The following NEK10 variants were observed in gnomAD, a reference collection of about 807,000 sequenced individuals.
NEK10 encodes the protein NIMA related kinase 10.
Under a neutral mutation model 159.8 loss-of-function variants are expected in NEK10, and 122 were observed. That is an observed-to-expected ratio of 0.76 (90% CI 0.66 to 0.89). The LOEUF is 0.89. Among genes scored for constraint, NEK10 ranks in the 40% least tolerant of loss-of-function variants. The pLI is 0.00. For missense variants in NEK10, 1,342 were observed against 1,323.1 expected, an observed-to-expected ratio of 1.01 and a Z score of -0.22; for synonymous variants, 466 against 457.1, an observed-to-expected ratio of 1.02 and a Z score of -0.25.
intron 5 of NEK10, among the ~76,000 whole-genome samples, chr3:27,331,207 C>T (rs1421305688): frequency 1.7e-5 from 2 of 118,218 alleles, no homozygotes; most frequent in African/African-American, 7.0e-5. Context: ...CACTGCACTC[C>T]AGCCTGGGTG....
rs776635841 is a variant in NEK10 at position 27,284,689 on chromosome 3, G to A, written c.1927C>T (p.Arg643Ter). The A allele has an allele frequency of 8.1e-6, 13 of 1,607,670 alleles. No homozygotes were observed. Among genetic ancestry groups the A allele is most frequent in the South Asian group, 2.2e-5 (2 of 90,960 alleles). The stretch of plus-strand genomic sequence containing the variant: ...ATCCTCTTCTCCTTGTGTAAGTATC[G>A]AAGAGCTAAGCACAGCTTGAAACAA... ...KIFIQLCLAL[R>*]YLHKEKRIVH... Residue 643 changes from arginine to a stop codon, truncating the protein, a stop_gained, in exon 22 of 36, where the codon CGA (arginine) becomes TGA (stop). Transcript: ENST00000691995. LOFTEE classifies it high-confidence loss of function.
chr3:27,355,840 C>T (rs2048289778), intron 1 of NEK10, among the ~76,000 whole-genome samples: 1 of 152,196 alleles, frequency 6.6e-6, no homozygotes, highest in African/African-American at 2.4e-5. Flanking sequence ...CTCTTGCTTC[C>T]TCCACTTCAG....
chr3:27,215,098 C>G (rs531636497), intron 23 of NEK10: 201 of 473,658 alleles, frequency 4.2e-4, no homozygotes, highest in African/African-American at 3.8e-3. Context: ...GAGCTATTTT[C>G]TTTAAAAGCA....
At chr3:27,175,607 T>C (rs1188290962) in intron 26 of NEK10, among the ~76,000 whole-genome samples, 1 of 152,210 alleles carries the variant, frequency 6.6e-6, no homozygotes, top group Non-Finnish European at 1.5e-5. Context: ...GGAATGACTA[T>C]GAATCAGTAA....
chr3:27,136,946 T>TA (rs1436607309), intron 31 of NEK10, among the ~76,000 whole-genome samples: 1 of 152,198 alleles, frequency 6.6e-6, no homozygotes, highest in Non-Finnish European at 1.5e-5. Flanking sequence ...TATGTGAAAA[T>TA]ATTGTCTTTT....
chr3:27,236,464 TATC>T (rs1368373473), intron 23 of NEK10, among the ~76,000 whole-genome samples: 4 of 152,066 alleles, frequency 2.6e-5, no homozygotes, highest in Non-Finnish European at 5.9e-5. Context: ...GAAAACCAAA[TATC>T]ATATTATCGG....
Position 27,174,357 on chromosome 3 carries a change from A to C in NEK10, c.2776+82T>G, listed in dbSNP as rs1385171594. 3.8e-6 allele frequency: 6 copies of C among 1,597,176 alleles called. No homozygotes were observed. In the Admixed American group the frequency reaches 1.1e-4, roughly 29 times the overall value. On this transcript the variant is annotated intron_variant, in intron 28 of 35. Coordinates refer to ENST00000691995, the MANE Select transcript of NEK10 (RefSeq NM_001394966.1). ...AAACCACTGGGTTATGTATATGGTGATATTTGCTTGACTCAAGTATGATTT... is the reference window on the plus strand; with the variant it reads ...AAACCACTGGGTTATGTATATGGTGCTATTTGCTTGACTCAAGTATGATTT...
intron 22 of NEK10, among the ~76,000 whole-genome samples, chr3:27,271,878 TTC>T (rs1322461490): frequency 6.6e-6 from 1 of 151,900 alleles, no homozygotes; most frequent in Non-Finnish European, 1.5e-5. Context: ...TCCAAAGAAA[TTC>T]TCCCCTTTGA....
chr3:27,216,715 T>C (rs1951564768), intron 23 of NEK10, among the ~76,000 whole-genome samples: 1 of 152,214 alleles, frequency 6.6e-6, no homozygotes, highest in African/African-American at 2.4e-5. Context: ...ACCAATATCC[T>C]CCTTAAAAGA....
chr3:27,252,533 A>G (rs187295559), intron 23 of NEK10, among the ~76,000 whole-genome samples: 1 of 152,370 alleles, frequency 6.6e-6, no homozygotes, highest in Admixed American at 6.5e-5. Context: ...AGCAAATATT[A>G]CTTGTGAGTT....
At chr3:27,199,638 A>G (rs1208041143) in intron 25 of NEK10, among the ~76,000 whole-genome samples, 2 of 152,198 alleles carry the variant, frequency 1.3e-5, no homozygotes, top group African/African-American at 4.8e-5. Flanking sequence ...GAATCATTCT[A>G]TCATAAAAAC....
chr3:27,131,874 C>A lies in NEK10; in HGVS notation c.3081+6G>T. On this transcript the variant is annotated splice_donor_region_variant and intron_variant, in intron 32 of 35. Transcript: ENST00000691995. ...CAAAAGAATTCCTATATATAGAATA[C>A]CATACCTTTTTAATTTCAGATTTCA... 1 of 1,491,720 alleles carries A rather than the reference C, an allele frequency of 6.7e-7. No individual in the cohort carries two copies. The highest frequency in any genetic ancestry group is 9.3e-7 in the Non-Finnish European group (1 of 1,072,046). The allele number at this position is 1,491,720 out of a possible 1,614,324, so 92.4% of individuals were successfully genotyped here. A position where few individuals can be genotyped will look rare whatever the true frequency, so the allele number is the denominator to read the frequency against.
chr3:27,342,717 TC>T (rs1177235325), intron 5 of NEK10, among the ~76,000 whole-genome samples: 1 of 152,120 alleles, frequency 6.6e-6, no homozygotes, highest in Non-Finnish European at 1.5e-5. Flanking sequence ...CCGGTTATTT[TC>T]CCTAACAATT....
At chr3:27,234,734 T>C (rs1387297306) in intron 23 of NEK10, among the ~76,000 whole-genome samples, 1 of 151,992 alleles carries the variant, frequency 6.6e-6, no homozygotes, top group African/African-American at 2.4e-5. Context: ...AACTATAATT[T>C]GACGTCCTTC....
In NEK10 at chr3:27,108,079, ATT is replaced by A. The variant is rs1416703326; in HGVS notation, c.*3191_*3192del. 3.9e-5 allele frequency among the ~76,000 whole-genome samples: 6 copies of A among 152,194 alleles called. No homozygotes were observed. The highest frequency in any genetic ancestry group is 7.4e-5 in the Non-Finnish European group (5 of 68,022). The stretch of plus-strand genomic sequence containing the variant: ...TGGAATTGTACATAATCAGACCTGT[ATT>A]TGTTTTTGGACATCAAAATTCATAG... On this transcript the variant is annotated 3_prime_UTR_variant, in exon 36 of 36. Coordinates refer to ENST00000691995, the MANE Select transcript of NEK10 (RefSeq NM_001394966.1).
At chr3:27,281,825 G>A (rs1367244429) in intron 22 of NEK10, among the ~76,000 whole-genome samples, 1 of 152,118 alleles carries the variant, frequency 6.6e-6, no homozygotes, top group Non-Finnish European at 1.5e-5. Flanking sequence ...AGCAGCTGCA[G>A]GAATGAGGAG....
chr3:27,124,921 T>G (rs1941768805), intron 32 of NEK10, among the ~76,000 whole-genome samples: 1 of 152,150 alleles, frequency 6.6e-6, no homozygotes. Context: ...TGAACCCTTT[T>G]TTTTGCCTCA....
At chr3:27,202,041 C>T (rs1183630132) in intron 24 of NEK10, among the ~76,000 whole-genome samples, 2 of 152,042 alleles carry the variant, frequency 1.3e-5, no homozygotes, top group Non-Finnish European at 2.9e-5. Flanking sequence ...ATCCCAGCTA[C>T]TCAGGAGGCT....
At chr3:27,195,732 T>G (rs1949499580) in intron 25 of NEK10, among the ~76,000 whole-genome samples, 1 of 152,202 alleles carries the variant, frequency 6.6e-6, no homozygotes, top group South Asian at 2.1e-4. Context: ...TTACACGTCC[T>G]TTTTTCAGAG....
Sources: gnomAD v4.1 joint callset for allele counts (sites outside exome capture counted in the v4.1 genomes callset) on GRCh38, gnomAD v4.1.1 for gene constraint, MANE v1.5 for transcripts, NCBI Gene and HGNC (gene_info 2026-07-23, HGNC 2026-07-21) for gene names.